KLF8: variants seen among roughly 807,000 people sequenced by gnomAD.
The protein encoded by KLF8 is Krueppel-like factor 8.
In KLF8, 10 loss-of-function variants were observed where a neutral mutation model predicts 18.2. The ratio of observed to expected loss-of-function variants is 0.55; its 90% CI spans 0.34 to 0.93. The LOEUF is 0.93. Among genes scored for constraint, KLF8 ranks in the 40% least tolerant of loss-of-function variants. KLF8 has a pLI of 0.02. For missense variants in KLF8, 264 were observed against 277.9 expected (o/e 0.95, Z 0.36); for synonymous variants, 109 against 97.3 (o/e 1.12, Z -0.71).
intron 2 of KLF8, among the ~76,000 whole-genome samples, chrX:56,263,190 C>T (rs1425015622): frequency 9.0e-6 from 1 of 111,269 alleles, no homozygotes; most frequent in Non-Finnish European, 1.9e-5. Flanking sequence ...TCCCTGTCAA[C>T]AGGATTCTAC....
At chrX:56,196,737 C>T in the KLF8 span, among the ~76,000 whole-genome samples, 1 of 111,747 alleles carries the variant, frequency 8.9e-6, no homozygotes, top group South Asian at 3.8e-4. Flanking sequence ...CAGCTCTGCA[C>T]CAAGCAGATC....
At chrX:56,214,670 G>A in the KLF8 span, among the ~76,000 whole-genome samples, 1 of 112,344 alleles carries the variant, frequency 8.9e-6, no homozygotes, top group Non-Finnish European at 1.9e-5. Flanking sequence ...TCAAACATGA[G>A]ACAATAAATG....
intron 3 of KLF8, 160 bp downstream of exon 3, chrX:56,265,904 GA>G (rs2066966735): frequency 2.9e-6 from 3 of 1,050,903 alleles, no homozygotes; most frequent in Non-Finnish European, 3.7e-6. Flanking sequence ...TAATGCTTAA[GA>G]ATGTACAATG....
chrX:56,274,899 AC>A (rs748173164), intron 5 of KLF8, among the ~76,000 whole-genome samples: 1 of 112,152 alleles, frequency 8.9e-6, no homozygotes, highest in Non-Finnish European at 1.9e-5. Flanking sequence ...TATTTTGATT[AC>A]TATACCTCTG....
At chrX:56,068,438 A>G in the KLF8 span, among the ~76,000 whole-genome samples, 3 of 111,845 alleles carry the variant, frequency 2.7e-5, no homozygotes, top group African/African-American at 9.8e-5. Context: ...ACTGGAAACC[A>G]GGTGAGCAAC....
the KLF8 span, among the ~76,000 whole-genome samples, chrX:55,937,557 C>T: frequency 8.9e-6 from 1 of 112,100 alleles, no homozygotes; most frequent in Non-Finnish European, 1.9e-5. Flanking sequence ...AAGAAGGCTT[C>T]AGAAGATCAA....
At chrX:56,158,365 C>A in the KLF8 span, among the ~76,000 whole-genome samples, 1 of 111,765 alleles carries the variant, frequency 8.9e-6, no homozygotes, top group Non-Finnish European at 1.9e-5. Context: ...ATTCACTTGG[C>A]AACGCGAGCT....
chrX:56,012,366 G>A, the KLF8 span, among the ~76,000 whole-genome samples: 1 of 111,628 alleles, frequency 9.0e-6, no homozygotes, highest in Non-Finnish European at 1.9e-5. Context: ...CTCAACAGAC[G>A]CAGAAAGGGC....
At chrX:56,077,642 T>C in the KLF8 span, among the ~76,000 whole-genome samples, 1 of 111,800 alleles carries the variant, frequency 8.9e-6, no homozygotes, top group Non-Finnish European at 1.9e-5. Context: ...TTTGGTTCCA[T>C]ATGAACGTTA....
the KLF8 span, among the ~76,000 whole-genome samples, chrX:56,104,456 G>A: frequency 1.8e-5 from 2 of 111,488 alleles, no homozygotes; most frequent in Non-Finnish European, 3.8e-5. Context: ...GGGTGTATGT[G>A]CCCAGGAATT....
At chrX:56,166,138 T>A in the KLF8 span, among the ~76,000 whole-genome samples, 6 of 106,688 alleles carry the variant, frequency 5.6e-5, no homozygotes, top group Admixed American at 1.0e-4. Context: ...AGTGCTTTAT[T>A]TTTTTTTTTT....
rs778496911 is a variant in KLF8, at chrX:56,285,607, C to T, written c.*1113C>T. The stretch of plus-strand genomic sequence containing the variant: ...TCCATGGAATTATTGGCATTCATTC[C>T]TGTGTTTCAAATGAAACATAGATGC... On this transcript the variant is annotated 3_prime_UTR_variant, in exon 6 of 6. Transcript: ENST00000468660. 3.6e-5 allele frequency: 4 copies of T among 111,783 alleles called. No homozygotes were observed. In the South Asian group the frequency reaches 1.5e-3, roughly 42 times the overall value. The allele number at this position is 111,783 out of a possible 1,213,427, so 9.2% of individuals were successfully genotyped here.
At chrX:56,211,927 C>T in the KLF8 span, among the ~76,000 whole-genome samples, 1 of 110,737 alleles carries the variant, frequency 9.0e-6, no homozygotes, top group Admixed American at 9.7e-5. Flanking sequence ...CTGAATCTCA[C>T]CTGAATCTAG....
At chrX:56,113,212 A>G in the KLF8 span, among the ~76,000 whole-genome samples, 1 of 110,092 alleles carries the variant, frequency 9.1e-6, no homozygotes, top group African/African-American at 3.3e-5. Flanking sequence ...AAAAAAAAAA[A>G]AAAGACAGTC....
chrX:56,023,647 C>A, the KLF8 span, among the ~76,000 whole-genome samples: 1 of 105,088 alleles, frequency 9.5e-6, no homozygotes, highest in African/African-American at 3.4e-5. Flanking sequence ...GGTATTCATA[C>A]TTTTTTTTTT....
chrX:56,063,875 G>A, the KLF8 span, among the ~76,000 whole-genome samples: 1 of 110,756 alleles, frequency 9.0e-6, no homozygotes, highest in African/African-American at 3.3e-5. Flanking sequence ...TAGAGAGACA[G>A]TATGGCTATG....
At chrX:55,938,055 T>C in the KLF8 span, among the ~76,000 whole-genome samples, 1 of 110,680 alleles carries the variant, frequency 9.0e-6, no homozygotes, top group African/African-American at 3.3e-5. Flanking sequence ...GAAGAGCAAC[T>C]CCAAGACACA....
the KLF8 span, among the ~76,000 whole-genome samples, chrX:56,095,462 C>T: frequency 1.8e-5 from 2 of 110,007 alleles, no homozygotes; most frequent in Non-Finnish European, 3.8e-5. Context: ...GAAAAGTAGA[C>T]AAATGGGACT....
the KLF8 span, among the ~76,000 whole-genome samples, chrX:56,183,293 T>C: frequency 8.9e-6 from 1 of 112,251 alleles, no homozygotes; most frequent in Non-Finnish European, 1.9e-5. Context: ...AATCTCCTGG[T>C]TCCCCATTTA....
Sources: allele counts gnomAD v4.1 joint callset (sites outside exome capture counted in the v4.1 genomes callset), GRCh38; gene constraint gnomAD v4.1.1; transcripts MANE v1.5; gene names NCBI Gene and HGNC (gene_info 2026-07-23, HGNC 2026-07-21).